The following MICU2 variants were observed in gnomAD, a reference collection of about 807,000 sequenced individuals.
MICU2 encodes the protein mitochondrial calcium uptake 2.
MICU2 carries 64 observed loss-of-function variants against 60.4 expected under a neutral mutation model. The observed-to-expected ratio is 1.06, with a 90% CI of 0.87 to 1.31. The LOEUF is 1.31. Among genes scored for constraint, MICU2 ranks in the 50% most tolerant of loss-of-function variants. MICU2 has a pLI of 0.00. For synonymous variants in MICU2, 201 were observed against 175.0 expected (o/e 1.15, Z -1.17); for missense variants, 569 against 531.0 (o/e 1.07, Z -0.70).
chr13:21,560,627 C>A (rs914204241), intron 2 of MICU2, among the ~76,000 whole-genome samples: 1 of 150,706 alleles, frequency 6.6e-6, no homozygotes, highest in African/African-American at 2.4e-5. Context: ...TCAAAAAACA[C>A]ACACACACAC....
intron 4 of MICU2, chr13:21,530,757 A>T (rs1184592518): frequency 1.7e-6 from 1 of 582,120 alleles, no homozygotes; most frequent in African/African-American, 1.9e-5. Flanking sequence ...CCCCCACCCC[A>T]GCCATACCCA....
intron 2 of MICU2, among the ~76,000 whole-genome samples, chr13:21,557,588 G>A (rs1194645781): frequency 6.6e-6 from 1 of 152,186 alleles, no homozygotes; most frequent in Non-Finnish European, 1.5e-5. Context: ...ATGAGTTTAG[G>A]ATCTAATAAA....
At chr13:21,554,970 G>T (rs1366617801) in intron 2 of MICU2, among the ~76,000 whole-genome samples, 1 of 152,098 alleles carries the variant, frequency 6.6e-6, no homozygotes, top group East Asian at 1.9e-4. Flanking sequence ...ACTAAATCAG[G>T]AAGAAGTTGA....
chr13:21,567,234 A>G (rs1351575271), intron 1 of MICU2, among the ~76,000 whole-genome samples: 3 of 152,234 alleles, frequency 2.0e-5, no homozygotes, highest in Admixed American at 6.5e-5. Context: ...ATAAAGCAGG[A>G]TAAGAAAGGG....
intron 1 of MICU2, among the ~76,000 whole-genome samples, chr13:21,574,559 A>G (rs9509802): frequency 0.41 from 61,634 of 152,074 alleles, 13,253 homozygotes; most frequent in East Asian, 0.66. Context: ...CTTTTTATCC[A>G]TGAAGTGACA....
At position 21,495,803 on chromosome 13, in the gene MICU2, G is replaced by A; in HGVS notation, c.1042+249C>T. ...CCCACCTTGGACTCCCAAAGTGCTG[G>A]GATTACAGGCATGAGCCACCATGCC... On this transcript the variant is annotated intron_variant, in intron 10 of 11. Coordinates refer to ENST00000382374, the MANE Select transcript of MICU2 (RefSeq NM_152726.3). The A allele has an allele frequency of 9.2e-6, 3 of 327,136 alleles. No individual in the cohort carries two copies. In the East Asian group the frequency reaches 2.0e-4, roughly 22 times the overall value. 20.3% of individuals were successfully genotyped at this position (327,136 alleles called of 1,614,324 possible). A position where few individuals can be genotyped will look rare whatever the true frequency, so the allele number is the denominator to read the frequency against.
chr13:21,498,658 C>T (rs577287935), intron 9 of MICU2, among the ~76,000 whole-genome samples: 7 of 152,018 alleles, frequency 4.6e-5, no homozygotes, highest in South Asian at 2.1e-4. Flanking sequence ...GGATTACAGG[C>T]GTGAGCCACC....
chr13:21,514,393 TC>T lies in MICU2; in HGVS notation c.622del (p.Asp208MetfsTer3). On this transcript the variant is annotated frameshift_variant, in exon 7 of 12. Coordinates refer to ENST00000382374, the MANE Select transcript of MICU2 (RefSeq NM_152726.3). LOFTEE classifies it high-confidence loss of function. ...FKLQKIISKQ[D>X]DLMTVKTNET... ...ATTAGTTTTCACTGTCATCAAGTCA[TC>T]TTGTTTACTTATGATCTTCTGCAGC... 2 of 1,613,634 alleles carry T rather than the reference TC, an allele frequency of 1.2e-6. No homozygotes were observed. The highest frequency in any genetic ancestry group is 1.7e-6 in the Non-Finnish European group (2 of 1,179,748).
At chr13:21,539,464 A>G in intron 3 of MICU2, 87 bp from the exon 4 acceptor site, 2 of 1,374,312 alleles carry the variant, frequency 1.5e-6, no homozygotes, top group East Asian at 2.4e-5. Flanking sequence ...ATAGCCGGCT[A>G]ATTTCTTTTT....
intron 4 of MICU2, among the ~76,000 whole-genome samples, chr13:21,528,258 T>C (rs1052733636): frequency 5.3e-5 from 8 of 152,308 alleles, no homozygotes; most frequent in African/African-American, 1.9e-4. Flanking sequence ...ATGGAATATT[T>C]CAAAGGGTCC....
intron 2 of MICU2, among the ~76,000 whole-genome samples, chr13:21,558,157 A>C (rs1170158503): frequency 6.6e-6 from 1 of 152,150 alleles, no homozygotes; most frequent in Non-Finnish European, 1.5e-5. Flanking sequence ...GTTTAGTGCC[A>C]AGCTGGATTA....
intron 1 of MICU2, 45 bp downstream of exon 1, chr13:21,603,894 A>C: frequency 2.5e-6 from 4 of 1,595,484 alleles, no homozygotes; most frequent in South Asian, 2.2e-5. Context: ...GCGTCAGGGG[A>C]GGGAGGAGCT....
intron 1 of MICU2, among the ~76,000 whole-genome samples, chr13:21,599,980 AAATG>A (rs1888779042): frequency 6.6e-6 from 1 of 152,246 alleles, no homozygotes; most frequent in Non-Finnish European, 1.5e-5. Flanking sequence ...TACATTCATT[AAATG>A]AAGAAAACAT....
At chr13:21,593,588 A>C (rs1436092433) in intron 1 of MICU2, among the ~76,000 whole-genome samples, 1 of 150,050 alleles carries the variant, frequency 6.7e-6, no homozygotes, top group African/African-American at 2.4e-5. Flanking sequence ...AAAAAAAAAA[A>C]AAAAAACAAA....
chr13:21,531,167 T>C (rs1239906586), intron 4 of MICU2: 3 of 928,264 alleles, frequency 3.2e-6, no homozygotes, highest in Non-Finnish European at 5.4e-6. Flanking sequence ...AAAACCACTG[T>C]GACAAAAAGG....
chr13:21,508,907 A>C (rs550484299), intron 8 of MICU2, among the ~76,000 whole-genome samples: 4 of 152,310 alleles, frequency 2.6e-5, no homozygotes, highest in Admixed American at 6.5e-5. Context: ...CAAATACCCT[A>C]TTTATCTAAG....
At chr13:21,531,364 T>C (rs1376585571) in intron 4 of MICU2, 4 of 1,359,270 alleles carry the variant, frequency 2.9e-6, no homozygotes, top group Non-Finnish European at 4.1e-6. Context: ...CTTTTATTTT[T>C]TATTAAGGGA....
At chr13:21,500,167 G>C (rs980775752) in intron 9 of MICU2, among the ~76,000 whole-genome samples, 5 of 152,112 alleles carry the variant, frequency 3.3e-5, no homozygotes, top group Non-Finnish European at 5.9e-5. Flanking sequence ...CATGGGGCTT[G>C]GGAGGCAAGG....
At chr13:21,497,847 C>T (rs1464706122) in intron 9 of MICU2, among the ~76,000 whole-genome samples, 1 of 152,170 alleles carries the variant, frequency 6.6e-6, no homozygotes, top group Non-Finnish European at 1.5e-5. Context: ...ATTCTGGGTT[C>T]AAGCTATCCT....
Sources: allele counts gnomAD v4.1 joint callset (sites outside exome capture counted in the v4.1 genomes callset), GRCh38; gene constraint gnomAD v4.1.1; transcripts MANE v1.5; gene names NCBI Gene and HGNC (gene_info 2026-07-23, HGNC 2026-07-21).